The following SGK1 variants were observed in gnomAD, a reference collection of about 807,000 sequenced individuals.
The protein encoded by SGK1 is serine/threonine-protein kinase Sgk1.
Under a neutral mutation model 64.2 loss-of-function variants are expected in SGK1, and 26 were observed. That is an observed-to-expected ratio of 0.40 (90% CI 0.30 to 0.56). SGK1 has a LOEUF of 0.56. Among genes scored for constraint, SGK1 ranks in the 20% least tolerant of loss-of-function variants. The pLI is 0.38. For synonymous variants in SGK1, 265 were observed against 239.7 expected (o/e 1.11, Z -0.98); for missense variants, 519 against 645.6 (o/e 0.80, Z 2.12).
intron 3 of SGK1, among the ~76,000 whole-genome samples, chr6:134,198,049 G>A (rs1775624525): frequency 6.6e-6 from 1 of 152,018 alleles, no homozygotes. Context: ...TTAATGAGGT[G>A]GAGGGTATAC....
chr6:134,256,275 T>C (rs1022585687), intron 2 of SGK1, among the ~76,000 whole-genome samples: 1 of 152,210 alleles, frequency 6.6e-6, no homozygotes, highest in Non-Finnish European at 1.5e-5. Context: ...TCATCCTACC[T>C]GCCTTCTCTT....
chr6:134,235,318 C>T (rs542099125), intron 2 of SGK1, among the ~76,000 whole-genome samples: 2 of 152,154 alleles, frequency 1.3e-5, no homozygotes, highest in Admixed American at 6.5e-5. Context: ...GATTCAGGTC[C>T]TTGGGGAATA....
At chr6:134,253,976 A>G (rs1776643259) in intron 2 of SGK1, among the ~76,000 whole-genome samples, 1 of 152,068 alleles carries the variant, frequency 6.6e-6, no homozygotes, top group South Asian at 2.1e-4. Flanking sequence ...TGCTCAGCCA[A>G]ATGTATCCCA....
intron 2 of SGK1, among the ~76,000 whole-genome samples, chr6:134,249,130 A>G (rs1002778074): frequency 1.4e-4 from 22 of 152,200 alleles, no homozygotes; most frequent in African/African-American, 4.8e-4. Flanking sequence ...AAGCATATTT[A>G]TCCTTAACAA....
chr6:134,276,594 A>G (rs988758341), intron 1 of SGK1, among the ~76,000 whole-genome samples: 3 of 152,198 alleles, frequency 2.0e-5, no homozygotes, highest in Non-Finnish European at 2.9e-5. Flanking sequence ...TGATCTGATC[A>G]GATTTGCTAT....
chr6:134,195,038 G>A (rs1269258712), intron 3 of SGK1, among the ~76,000 whole-genome samples: 1 of 152,146 alleles, frequency 6.6e-6, no homozygotes, highest in African/African-American at 2.4e-5. Flanking sequence ...ATTAAAATAT[G>A]AAGTTGCATT....
chr6:134,282,044 C>G (rs1396935838), intron 1 of SGK1, among the ~76,000 whole-genome samples: 2 of 152,158 alleles, frequency 1.3e-5, no homozygotes, highest in Non-Finnish European at 2.9e-5. Context: ...ATAATCCATT[C>G]TCTGGACTAC....
chr6:134,296,169 G>A (rs1777344218), intron 1 of SGK1, among the ~76,000 whole-genome samples: 1 of 152,244 alleles, frequency 6.6e-6, no homozygotes, highest in Non-Finnish European at 1.5e-5. Context: ...CTCATGACCA[G>A]TATCCTCACT....
At chr6:134,228,841 CT>C (rs754300980) in intron 2 of SGK1, among the ~76,000 whole-genome samples, 9,994 of 129,418 alleles carry the variant, frequency 0.077, 187 homozygotes, top group African/African-American at 0.1. Context: ...TGTAGTTGTT[CT>C]TTTTTTTTTT....
chr6:134,279,292 C>T (rs1181980516), intron 1 of SGK1, among the ~76,000 whole-genome samples: 14 of 151,930 alleles, frequency 9.2e-5, no homozygotes, highest in African/African-American at 1.9e-4. Flanking sequence ...ATTAGCTGGA[C>T]GTGGTGGTGC....
rs1269194275 is a variant in SGK1 at position 134,173,156 on chromosome 6, T to C, written c.703-2A>G. 6.2e-7 allele frequency: 1 copy of C among 1,611,970 alleles called. No homozygotes were observed. The highest frequency in any genetic ancestry group is 8.5e-7 in the Non-Finnish European group (1 of 1,178,450). ...CCGCTCCGACATAATATGCTTCTCC[T>C]AGGAAAATGACGATTCAGATTTAGT... is the stretch of plus-strand genomic sequence containing the variant. On this transcript the variant is annotated splice_acceptor_variant, in intron 7 of 13. Coordinates refer to ENST00000367858, the MANE Select transcript of SGK1 (RefSeq NM_001143676.3). LOFTEE classifies it high-confidence loss of function.
At chr6:134,196,355 C>T (rs990822445) in intron 3 of SGK1, among the ~76,000 whole-genome samples, 2 of 151,772 alleles carry the variant, frequency 1.3e-5, no homozygotes, top group East Asian at 1.9e-4. Flanking sequence ...TATGAGCCAC[C>T]GTGCCTGGCC....
Position 134,169,506 on chromosome 6 carries a change from A to G in SGK1, c.*762T>C, listed in dbSNP as rs1358449802. 2 of 152,556 alleles carry G rather than the reference A, an allele frequency of 1.3e-5. No individual in the cohort carries two copies. The highest frequency in any genetic ancestry group is 4.8e-5 in the African/African-American group (2 of 41,432). The allele number at this position is 152,556 out of a possible 1,614,324, so 9.5% of individuals were successfully genotyped here. A position where few individuals can be genotyped will look rare whatever the true frequency, so the allele number is the denominator to read the frequency against. ...AAAAAACATAAATAATGCCCATTTT[A>G]CAGGTGACATTTTAAACAATGAAAA... On this transcript the variant is annotated 3_prime_UTR_variant, in exon 14 of 14. Transcript: ENST00000367858.
chr6:134,243,596 T>C (rs1490303754), intron 2 of SGK1, among the ~76,000 whole-genome samples: 3 of 152,328 alleles, frequency 2.0e-5, no homozygotes, highest in Admixed American at 1.3e-4. Context: ...CTCGAACTCC[T>C]GGCCTCAGGT....
intron 1 of SGK1, among the ~76,000 whole-genome samples, chr6:134,302,333 T>C (rs1428461439): frequency 6.6e-6 from 1 of 152,204 alleles, no homozygotes; most frequent in East Asian, 1.9e-4. Context: ...TGAAATACCT[T>C]TTTAACACTG....
intron 2 of SGK1, among the ~76,000 whole-genome samples, chr6:134,228,988 C>T (rs1434366160): frequency 6.6e-6 from 1 of 152,146 alleles, no homozygotes; most frequent in Non-Finnish European, 1.5e-5. Context: ...GGACTACTGG[C>T]GCCCGCCACT....
At position 134,261,979 on chromosome 6, in the gene SGK1, G is replaced by GA. The variant is rs1201215730; in HGVS notation, c.238_239insT (p.Pro80LeufsTer16). 6.2e-7 allele frequency: 1 copy of GA among 1,613,592 alleles called. No individual in the cohort carries two copies. The highest frequency in any genetic ancestry group is 8.5e-7 in the Non-Finnish European group (1 of 1,179,630). On this transcript the variant is annotated frameshift_variant, in exon 2 of 14. Transcript: ENST00000367858. LOFTEE classifies it high-confidence loss of function. ...CCATGAACATGACTCGTTCTCCTGA[G>GA]GGAGAACCCCTCTTTGGAAAGCATG... is the stretch of plus-strand genomic sequence containing the variant.
At chr6:134,185,632 G>T (rs1775410810) in intron 3 of SGK1, among the ~76,000 whole-genome samples, 1 of 151,678 alleles carries the variant, frequency 6.6e-6, no homozygotes, top group East Asian at 1.9e-4. Context: ...TATATCTAGA[G>T]GGAGACAGAG....
chr6:134,315,816 G>A (rs905608902), intron 1 of SGK1, among the ~76,000 whole-genome samples: 10 of 152,002 alleles, frequency 6.6e-5, no homozygotes, highest in Non-Finnish European at 1.5e-4. Flanking sequence ...GAGGCAGGAG[G>A]ACCACTTGAG....
Sources: allele counts gnomAD v4.1 joint callset (sites outside exome capture counted in the v4.1 genomes callset), GRCh38; gene constraint gnomAD v4.1.1; transcripts MANE v1.5; gene names NCBI Gene and HGNC (gene_info 2026-07-23, HGNC 2026-07-21).